The following SCFD2 variants were observed in gnomAD, a reference collection of about 807,000 sequenced individuals.
SCFD2 encodes sec1 family domain containing 2, also known as sec1 family domain-containing protein 2.
In SCFD2, 54 loss-of-function variants were observed where a neutral mutation model predicts 58.9. The observed-to-expected ratio is 0.92, with a 90% CI of 0.74 to 1.15. SCFD2 has a LOEUF of 1.15. SCFD2 is among the 50% of genes most tolerant of loss of function. The pLI is 0.00. For synonymous variants in SCFD2, 321 were observed against 335.9 expected (o/e 0.96, Z 0.49); for missense variants, 805 against 836.6 (o/e 0.96, Z 0.47).
intron 3 of SCFD2, among the ~76,000 whole-genome samples, chr4:53,293,628 C>T (rs1239987167): frequency 6.6e-6 from 1 of 152,126 alleles, no homozygotes; most frequent in East Asian, 1.9e-4. Flanking sequence ...AGTTCCTCAA[C>T]CTAACAAAGA....
At chr4:53,341,831 C>A (rs1273561765) in intron 2 of SCFD2, among the ~76,000 whole-genome samples, 1 of 152,138 alleles carries the variant, frequency 6.6e-6, no homozygotes, top group African/African-American at 2.4e-5. Flanking sequence ...GAATTTTCAA[C>A]CCAGAATTTC....
chr4:53,066,583 A>G (rs1434132004), intron 5 of SCFD2, among the ~76,000 whole-genome samples: 3 of 152,186 alleles, frequency 2.0e-5, no homozygotes, highest in Non-Finnish European at 2.9e-5. Flanking sequence ...TATGGGTCCT[A>G]TGAGGTGTTT....
At chr4:53,258,391 C>T (rs1306444133) in intron 4 of SCFD2, among the ~76,000 whole-genome samples, 1 of 151,820 alleles carries the variant, frequency 6.6e-6, no homozygotes. Context: ...TAGCCTAGTT[C>T]CCACTTTCGA....
At chr4:53,116,663 C>A (rs1469094309) in intron 5 of SCFD2, among the ~76,000 whole-genome samples, 1 of 152,154 alleles carries the variant, frequency 6.6e-6, no homozygotes, top group Admixed American at 6.5e-5. Context: ...GCTTCTGAAT[C>A]CAATTATACC....
At chr4:52,924,021 A>G (rs1719805440) in intron 5 of SCFD2, among the ~76,000 whole-genome samples, 1 of 152,206 alleles carries the variant, frequency 6.6e-6, no homozygotes, top group Admixed American at 6.5e-5. Flanking sequence ...AAACAAGGAG[A>G]AAAAAAGTTA....
chr4:53,308,753 C>G (rs1451581647), intron 3 of SCFD2, among the ~76,000 whole-genome samples: 1 of 152,106 alleles, frequency 6.6e-6, no homozygotes, highest in Admixed American at 6.5e-5. Context: ...AAAGCCAATA[C>G]TGCTAAATGT....
chr4:53,274,915 C>G (rs1731283004), intron 3 of SCFD2, among the ~76,000 whole-genome samples: 1 of 152,228 alleles, frequency 6.6e-6, no homozygotes, highest in Non-Finnish European at 1.5e-5. Flanking sequence ...ATGTTTCACC[C>G]ATGCCATGTT....
rs765922675 is a variant in SCFD2 at position 53,366,048 on chromosome 4, C to T, written c.-107G>A. On this transcript the variant is annotated 5_prime_UTR_variant, in exon 1 of 9. It adds an upstream start codon to the 5' untranslated region. Transcript: ENST00000401642. ...AGACTTTGACAGTCTCCACAGTACACGTGGTCGGCCTCTGACACGCTCCCT... is the reference window on the plus strand; with the variant it reads ...AGACTTTGACAGTCTCCACAGTACATGTGGTCGGCCTCTGACACGCTCCCT... 20 of 1,320,536 alleles carry T rather than the reference C, an allele frequency of 1.5e-5. No homozygotes were observed. Among genetic ancestry groups the T allele is most frequent in the Middle Eastern group, 2.7e-4 (1 of 3,770 alleles). 81.8% of individuals were successfully genotyped at this position (1,320,536 alleles called of 1,614,324 possible).
intron 8 of SCFD2, among the ~76,000 whole-genome samples, chr4:52,877,745 GA>G (rs908181857): frequency 2.0e-5 from 3 of 152,196 alleles, no homozygotes; most frequent in Non-Finnish European, 4.4e-5. Flanking sequence ...CGGATGCAGG[GA>G]AGGTGGAGTT....
At chr4:53,190,263 G>A (rs140827151) in intron 4 of SCFD2, among the ~76,000 whole-genome samples, 217 of 152,236 alleles carry the variant, frequency 1.4e-3, no homozygotes, top group African/African-American at 4.8e-3. Flanking sequence ...AGCATAGACA[G>A]ATGTTGGCGT....
At chr4:53,228,144 A>C (rs1191583521) in intron 4 of SCFD2, among the ~76,000 whole-genome samples, 2 of 152,218 alleles carry the variant, frequency 1.3e-5, no homozygotes, top group East Asian at 3.8e-4. Context: ...CATATGAAGC[A>C]TTTAAGCCTA....
At chr4:53,095,443 C>T (rs73141488) in intron 5 of SCFD2, among the ~76,000 whole-genome samples, 5,783 of 152,062 alleles carry the variant, frequency 0.038, 371 homozygotes, top group African/African-American at 0.13. Flanking sequence ...CTCTTTTTAC[C>T]TCCTTCACCA....
In SCFD2 at chr4:52,965,111, A is replaced by G. The variant is rs563905878; in HGVS notation, c.1562-44241T>C. On this transcript the variant is annotated intron_variant, in intron 5 of 8. Coordinates refer to ENST00000401642, the MANE Select transcript of SCFD2 (RefSeq NM_152540.4). ...TGAACACCGTCTACATGCCGTAACC[A>G]TCATGATAGGTGGAGGCCAGGCTGG... Among the ~76,000 whole-genome samples the G allele has an allele frequency of 1.3e-3, 203 of 152,224 alleles. 1 individual carries two copies. Among genetic ancestry groups the G allele is most frequent in the African/African-American group, 4.6e-3 (190 of 41,546 alleles).
chr4:52,957,186 G>A (rs2109536784), intron 5 of SCFD2: 1 of 152,302 alleles, frequency 6.6e-6, no homozygotes, highest in East Asian at 1.9e-4. Flanking sequence ...AACGCAGTCT[G>A]GTTGCAGTAT....
intron 4 of SCFD2, among the ~76,000 whole-genome samples, chr4:53,182,798 A>G (rs1727615840): frequency 1.3e-5 from 2 of 152,036 alleles, no homozygotes; most frequent in South Asian, 4.1e-4. Context: ...AACTCAAACA[A>G]ATTTACAAGA....
chr4:53,232,145 A>T (rs1729459037), intron 4 of SCFD2, among the ~76,000 whole-genome samples: 1 of 152,134 alleles, frequency 6.6e-6, no homozygotes, highest in African/African-American at 2.4e-5. Flanking sequence ...TGAATCCAGA[A>T]TGTTGCAAGG....
At chr4:52,970,223 G>T (rs962883575) in intron 5 of SCFD2, among the ~76,000 whole-genome samples, 1 of 152,216 alleles carries the variant, frequency 6.6e-6, no homozygotes, top group Non-Finnish European at 1.5e-5. Flanking sequence ...GCGAGGCATC[G>T]CCTCACCCGG....
intron 7 of SCFD2, among the ~76,000 whole-genome samples, chr4:52,896,186 T>A (rs902950090): frequency 1.3e-5 from 2 of 152,226 alleles, no homozygotes; most frequent in Non-Finnish European, 2.9e-5. Context: ...ATTTGTCAAT[T>A]TTGGCTTTTG....
At chr4:53,358,292 G>C (rs1410664551) in intron 1 of SCFD2, among the ~76,000 whole-genome samples, 4 of 152,148 alleles carry the variant, frequency 2.6e-5, no homozygotes, top group Admixed American at 6.6e-5. Context: ...ACTTTGGAAG[G>C]CTGAGGTGGG....
Sources: allele counts gnomAD v4.1 joint callset (sites outside exome capture counted in the v4.1 genomes callset), GRCh38; gene constraint gnomAD v4.1.1; transcripts MANE v1.5; gene names NCBI Gene and HGNC (gene_info 2026-07-23, HGNC 2026-07-21).